Variants in ATR observed in about 807,000 individuals in gnomAD.
The protein encoded by ATR is ATR checkpoint kinase.
ATR carries 142 observed loss-of-function variants against 305.3 expected under a neutral mutation model. The observed-to-expected ratio is 0.47, with a 90% CI of 0.41 to 0.53. The LOEUF is 0.53. Ranked by LOEUF, ATR falls within the 20% of genes least tolerant of loss-of-function variation. The pLI is 0.00. For missense variants in ATR, 2,135 were observed against 3,133.1 expected (o/e 0.68, Z 7.60); for synonymous variants, 1,050 against 1,068.1 (o/e 0.98, Z 0.33).
chr3:142,491,578 G>C (rs1227002774), intron 35 of ATR, among the ~76,000 whole-genome samples: 1 of 152,152 alleles, frequency 6.6e-6, no homozygotes, highest in Non-Finnish European at 1.5e-5. Context: ...CTCTCTAACT[G>C]GGAAGGTGAA....
intron 8 of ATR, among the ~76,000 whole-genome samples, chr3:142,556,934 T>A (rs1239868767): frequency 6.6e-6 from 1 of 152,178 alleles, no homozygotes; most frequent in African/African-American, 2.4e-5. Flanking sequence ...GATGTGGAAC[T>A]CATACTCTGC....
intron 1 of ATR, among the ~76,000 whole-genome samples, chr3:142,569,914 G>T (rs1338906604): frequency 3.9e-5 from 6 of 152,056 alleles, no homozygotes; most frequent in African/African-American, 1.4e-4. Flanking sequence ...CAAAGTGCTG[G>T]GATTACAGGC....
intron 21 of ATR, among the ~76,000 whole-genome samples, chr3:142,530,993 T>G (rs769267873): frequency 4.6e-5 from 7 of 152,168 alleles, no homozygotes; most frequent in African/African-American, 9.7e-5. Context: ...TTATACAGTC[T>G]CATCAGAACG....
At chr3:142,517,350 T>TAA (rs56080837) in intron 24 of ATR, among the ~76,000 whole-genome samples, 4 of 143,464 alleles carry the variant, frequency 2.8e-5, no homozygotes, top group African/African-American at 7.6e-5. Flanking sequence ...GAGCCCAAAT[T>TAA]AAAAAAAAAA....
At chr3:142,541,926 T>C (rs2034066160) in intron 17 of ATR, among the ~76,000 whole-genome samples, 1 of 152,030 alleles carries the variant, frequency 6.6e-6, no homozygotes, top group South Asian at 2.1e-4. Flanking sequence ...CTTCCATTCG[T>C]AGGTGTTTTT....
At chr3:142,451,435 A>G (rs2108246333) in intron 46 of ATR, 9 of 1,496,914 alleles carry the variant, frequency 6.0e-6, no homozygotes, top group Non-Finnish European at 8.1e-6. Context: ...CATGGCCCTG[A>G]TCAGCAAGTA....
intron 19 of ATR, 52 bp downstream of exon 19, chr3:142,538,430 A>C: frequency 8.3e-6 from 13 of 1,568,092 alleles, no homozygotes; most frequent in Non-Finnish European, 1.1e-5. Flanking sequence ...TTTGAGACAT[A>C]AAAATACAGT....
chr3:142,541,039 A>G lies in ATR; in HGVS notation c.3451-5T>C, dbSNP rs1559977503. ...AGACATCAAACTGTTCAAGGCCTAT[A>G]GAGTTAAGTAGTGCTTCAGAGTAAA... On this transcript the variant is annotated splice_polypyrimidine_tract_variant and splice_region_variant and intron_variant, in intron 17 of 46. Coordinates refer to ENST00000350721, the MANE Select transcript of ATR (RefSeq NM_001184.4). 1 of 1,613,428 alleles carries G rather than the reference A, an allele frequency of 6.2e-7. No individual in the cohort carries two copies. The highest frequency in any genetic ancestry group is 8.5e-7 in the Non-Finnish European group (1 of 1,179,508).
intron 36 of ATR, among the ~76,000 whole-genome samples, chr3:142,474,099 G>A (rs1354826367): frequency 6.6e-6 from 1 of 151,678 alleles, no homozygotes; most frequent in East Asian, 1.9e-4. Context: ...GCTAATTTTT[G>A]TATTTTCAGT....
chr3:142,560,373 A>C lies in ATR; in HGVS notation c.1431T>G (p.Leu477=), dbSNP rs754506069. Residue 477 remains leucine, a synonymous_variant, in exon 6 of 47, where the codon CTT becomes CTG. Coordinates refer to ENST00000350721, the MANE Select transcript of ATR (RefSeq NM_001184.4). ...KQKAESLQIS[L]EYSGLKNPVI... ...CAGGATTCTTTAGGCCACTGTATTC[A>C]AGGGAAATCTGAAGGGATTCAGCTT... is the stretch of plus-strand genomic sequence containing the variant. The C allele has an allele frequency of 6.2e-7, 1 of 1,613,880 alleles. No individual in the cohort carries two copies. Among genetic ancestry groups the C allele is most frequent in the East Asian group, 2.2e-5 (1 of 44,824 alleles).
chr3:142,560,090 T>C (rs1029238513), intron 6 of ATR, among the ~76,000 whole-genome samples, 173 bp downstream of exon 6: 2 of 152,344 alleles, frequency 1.3e-5, no homozygotes, highest in South Asian at 2.1e-4. Flanking sequence ...CTAAGATATA[T>C]ACAGTGCTTA....
Position 142,547,968 on chromosome 3 carries a change from A to T in ATR, c.3172-58T>A, listed in dbSNP as rs2034336227. 3 of 1,456,800 alleles carry T rather than the reference A, an allele frequency of 2.1e-6. No individual in the cohort carries two copies. The East Asian group carries it at 6.9e-5, about 33-fold the overall frequency. The allele number at this position is 1,456,800 out of a possible 1,614,324, so 90.2% of individuals were successfully genotyped here. On this transcript the variant is annotated intron_variant, in intron 15 of 46. Coordinates refer to ENST00000350721, the MANE Select transcript of ATR (RefSeq NM_001184.4). The stretch of plus-strand genomic sequence containing the variant: ...TCTTCATACTAATATCCTGGAAATA[A>T]GTATACTGATTTTAACATGCTATTA...
chr3:142,558,418 G>A (rs1215299920), intron 8 of ATR, among the ~76,000 whole-genome samples: 1 of 152,082 alleles, frequency 6.6e-6, no homozygotes, highest in African/African-American at 2.4e-5. Context: ...AGCTACTCAG[G>A]AGGCTGAGGC....
intron 23 of ATR, among the ~76,000 whole-genome samples, chr3:142,521,345 C>A (rs2033140773): frequency 6.6e-6 from 1 of 152,118 alleles, no homozygotes; most frequent in African/African-American, 2.4e-5. Context: ...TGGAGCTATA[C>A]AAGGATATTA....
chr3:142,476,377 C>T (rs2071449487), intron 36 of ATR, among the ~76,000 whole-genome samples: 1 of 152,070 alleles, frequency 6.6e-6, no homozygotes, highest in Admixed American at 6.6e-5. Context: ...TTGTTTTTGT[C>T]AGGGTGGTCG....
At chr3:142,479,963 T>C (rs991137251) in intron 36 of ATR, among the ~76,000 whole-genome samples, 1 of 152,214 alleles carries the variant, frequency 6.6e-6, no homozygotes, top group African/African-American at 2.4e-5. Flanking sequence ...TTTCTCTGCA[T>C]TGGTTATTCT....
chr3:142,468,874 C>T (rs1291596908), intron 38 of ATR, among the ~76,000 whole-genome samples: 2 of 152,082 alleles, frequency 1.3e-5, no homozygotes, highest in East Asian at 3.9e-4. Flanking sequence ...CCGCTATCAT[C>T]CTAGCTACTG....
At chr3:142,470,345 GCTCA>G (rs1410775281) in intron 36 of ATR, among the ~76,000 whole-genome samples, 162 bp from the exon 37 acceptor site, 1 of 151,952 alleles carries the variant, frequency 6.6e-6, no homozygotes, top group Non-Finnish European at 1.5e-5. Context: ...CTCCTTTTTA[GCTCA>G]CTTAGTTCTA....
At chr3:142,495,899 G>T (rs957001199) in intron 34 of ATR, among the ~76,000 whole-genome samples, 4 of 151,968 alleles carry the variant, frequency 2.6e-5, no homozygotes, top group Non-Finnish European at 4.4e-5. Context: ...GCCCTTTCTG[G>T]CTAGATCAGA....
Sources: gnomAD v4.1 joint callset for allele counts (sites outside exome capture counted in the v4.1 genomes callset) on GRCh38, gnomAD v4.1.1 for gene constraint, MANE v1.5 for transcripts, NCBI Gene and HGNC (gene_info 2026-07-23, HGNC 2026-07-21) for gene names.